Variants in LIG3 observed in about 807,000 individuals in gnomAD.
LIG3 encodes the protein DNA ligase 3, also known as ligase II, DNA, ATP-dependent.
Under a neutral mutation model 110.9 loss-of-function variants are expected in LIG3, and 58 were observed. That is an observed-to-expected ratio of 0.52 (90% confidence interval 0.42 to 0.65). The LOEUF is 0.65. LIG3 is among the 30% of genes least tolerant of loss of function. The probability of loss-of-function intolerance (pLI) is 0.00; values close to 1 mark genes in which losing one functional copy is unlikely to be tolerated. For missense variants in LIG3, 1,094 were observed against 1,273.8 expected (o/e 0.86, Z 2.15); for synonymous variants, 422 against 472.8 (o/e 0.89, Z 1.39).
intron 18 of LIG3, 31 bp from the exon 19 acceptor site, chr17:35,002,637 C>A: frequency 6.2e-7 from 1 of 1,603,370 alleles, no homozygotes; most frequent in South Asian, 1.1e-5. Context: ...AGGTGTGCAC[C>A]ACCACACCCA....
At chr17:34,996,482 C>T (rs913706270) in intron 10 of LIG3, 92 bp from the exon 11 acceptor site, 2 of 1,040,996 alleles carry the variant, frequency 1.9e-6, no homozygotes, top group African/African-American at 1.6e-5. Flanking sequence ...CATCCGGTGC[C>T]TCAGGGGGCC....
intron 3 of LIG3, among the ~76,000 whole-genome samples, chr17:34,986,614 G>A (rs923301336): frequency 1.3e-5 from 2 of 152,198 alleles, no homozygotes; most frequent in African/African-American, 2.4e-5. Context: ...GAGCCACTGC[G>A]CTCGGCCAGC....
Position 34,990,860 on chromosome 17 carries a change from G to A in LIG3, c.890-103G>A, listed in dbSNP as rs557140138. The A allele has an allele frequency of 6.0e-5, 65 of 1,085,274 alleles. 1 individual carries two copies. The South Asian group carries it at 8.5e-4, about 14-fold the overall frequency. 67.2% of individuals were successfully genotyped at this position (1,085,274 alleles called of 1,614,324 possible). On this transcript the variant is annotated intron_variant, in intron 4 of 19. Coordinates refer to ENST00000378526, the MANE Select transcript of LIG3 (RefSeq NM_013975.4). ...AATTCTCCTGCTTCGGCCTCCCAAA[G>A]TGCTGAGATTACAGGTGTGAGCCAC...
intron 2 of LIG3, among the ~76,000 whole-genome samples, chr17:34,984,040 A>G (rs1251393254): frequency 6.6e-6 from 1 of 152,362 alleles, no homozygotes; most frequent in Non-Finnish European, 1.5e-5. Context: ...TCTTCAGTGT[A>G]TATACCTTAA....
chr17:34,992,548 C>T lies in LIG3; in HGVS notation c.1311C>T (p.Ala437=), dbSNP rs1471605189. ...GGTTAGACGCCCTTGACCCCAATGC[C>T]TATGAAGCCTTCAAAGCCTCGCGCA... ...KHVLDALDPN[A]YEAFKASRNL... is the part of the protein sequence containing the mutation. The change falls in exon 8 of 20, where the codon GCC becomes GCT. Residue 437 remains alanine, a synonymous_variant. Coordinates refer to ENST00000378526, the MANE Select transcript of LIG3 (RefSeq NM_013975.4). 3.7e-6 allele frequency: 6 copies of T among 1,609,336 alleles called. No individual in the cohort carries two copies. Among genetic ancestry groups the T allele is most frequent in the East Asian group, 4.5e-5 (2 of 44,866 alleles).
In LIG3 at chr17:35,003,057, G is replaced by C. The variant is rs747961493; in HGVS notation, c.2796+268G>C. 5 of 1,613,980 alleles carry C rather than the reference G, an allele frequency of 3.1e-6. No individual in the cohort carries two copies. In the African/African-American group the frequency reaches 4.0e-5, roughly 13 times the overall value. Reference sequence around the variant, plus strand: ...CAGCAGGCAGGAGATAGAACAGCCCGGCCTAGCCAGGAGAGACTGCAGGGA... The same window carrying C: ...CAGCAGGCAGGAGATAGAACAGCCCCGCCTAGCCAGGAGAGACTGCAGGGA... On this transcript the variant is annotated intron_variant, in intron 19 of 19. Coordinates refer to ENST00000378526, the MANE Select transcript of LIG3 (RefSeq NM_013975.4).
In LIG3 at chr17:34,983,295, A is replaced by G. The variant is rs764983968; in HGVS notation, c.290A>G (p.Tyr97Cys). The G allele has an allele frequency of 6.2e-7, 1 of 1,614,254 alleles. No individual in the cohort carries two copies. Among genetic ancestry groups the G allele is most frequent in the Admixed American group, 1.7e-5 (1 of 60,030 alleles). Residue 97 changes from tyrosine (Y) to cysteine (C), a missense_variant, in exon 2 of 20, where the codon TAT becomes TGT. By Grantham distance (194) the Tyr-to-Cys change is radical. Coordinates refer to ENST00000378526, the MANE Select transcript of LIG3 (RefSeq NM_013975.4). ...GCTGAGCAACGGTTCTGTGTGGACTATGCCAAGCGTGGCACAGCTGGCTGC... is the reference window on the plus strand; with the variant it reads ...GCTGAGCAACGGTTCTGTGTGGACTGTGCCAAGCGTGGCACAGCTGGCTGC... Reference protein sequence around the residue: ...EMAEQRFCVDYAKRGTAGCKK... With the variant: ...EMAEQRFCVDCAKRGTAGCKK...
In LIG3 at chr17:34,980,666, T is replaced by C. The variant is rs2142218586; in HGVS notation, c.-5+44T>C. 21 of 1,064,044 alleles carry C rather than the reference T, an allele frequency of 2.0e-5. No homozygotes were observed. The South Asian group carries it at 3.0e-4, about 15-fold the overall frequency. 65.9% of individuals were successfully genotyped at this position (1,064,044 alleles called of 1,614,324 possible). On this transcript the variant is annotated intron_variant, in intron 1 of 19. Transcript: ENST00000378526. The stretch of plus-strand genomic sequence containing the variant: ...CGGCACGGCGCGGCGGGGCCCGGCG[T>C]GGGGAAGGCAGCGGGCCCGGGGCGA...
Position 34,999,563 on chromosome 17 carries a change from C to T in LIG3, c.2256+114C>T, listed in dbSNP as rs116087144. 1,386 of 1,374,458 alleles carry T rather than the reference C, an allele frequency of 1.0e-3. 11 individuals are homozygous for T. In the African/African-American group the frequency reaches 0.018, roughly 18 times the overall value. 85.1% of individuals were successfully genotyped at this position (1,374,458 alleles called of 1,614,324 possible). On this transcript the variant is annotated intron_variant, in intron 15 of 19. Transcript: ENST00000378526. Reference sequence around the variant, plus strand: ...GTCTCCCCAGAAAGAAGGGTTGCAGCTTGCTCAGGGGAGCAGGATTAGGCC... The same window carrying T: ...GTCTCCCCAGAAAGAAGGGTTGCAGTTTGCTCAGGGGAGCAGGATTAGGCC...
Position 34,992,575 on chromosome 17 carries a change from C to G in LIG3, c.1338C>G (p.Asn446Lys). ...NAYEAFKASR[N>K]LQDVVERVLH... ...ATGAAGCCTTCAAAGCCTCGCGCAACCTGCAGGATGTGGTGGAGCGGGTCC... is the reference window on the plus strand; with the variant it reads ...ATGAAGCCTTCAAAGCCTCGCGCAAGCTGCAGGATGTGGTGGAGCGGGTCC... The change falls in exon 8 of 20, where the codon AAC (asparagine) becomes AAG (lysine). Residue 446 changes from asparagine to lysine, a missense_variant. Transcript: ENST00000378526. 1 of 1,613,462 alleles carries G rather than the reference C, an allele frequency of 6.2e-7. No homozygotes were observed. The highest frequency in any genetic ancestry group is 2.2e-5 in the East Asian group (1 of 44,854).
intron 15 of LIG3, 92 bp from the exon 16 acceptor site, chr17:34,999,690 A>G: frequency 1.6e-6 from 2 of 1,265,486 alleles, no homozygotes; most frequent in Non-Finnish European, 2.3e-6. Flanking sequence ...TCAGCTGTTT[A>G]AGTGGCTTCT....
intron 1 of LIG3, among the ~76,000 whole-genome samples, chr17:34,982,624 G>A (rs1597787585): frequency 6.7e-6 from 1 of 149,816 alleles, no homozygotes; most frequent in South Asian, 2.1e-4. Context: ...TCCAGCCTGG[G>A]CAATTAAAGT....
At chr17:34,982,642 C>G (rs553287781) in intron 1 of LIG3, among the ~76,000 whole-genome samples, 1 of 147,924 alleles carries the variant, frequency 6.8e-6, no homozygotes, top group East Asian at 2.0e-4. Flanking sequence ...AGTGAAACTC[C>G]GCCTCAAAAA....
intron 9 of LIG3, 116 bp from the exon 10 acceptor site, chr17:34,995,947 TG>T: frequency 1.5e-6 from 2 of 1,300,954 alleles, no homozygotes; most frequent in South Asian, 1.4e-5. Flanking sequence ...GCACATTAGC[TG>T]GGCCTTCCAC....
chr17:35,007,365 A>C lies in LIG3; in HGVS notation c.*2859A>C, dbSNP rs1005084303. On this transcript the variant is annotated 3_prime_UTR_variant, in exon 20 of 20. Transcript: ENST00000378526. ...TGTATATACTATTTTGTATCCTTTC[A>C]TGTATTTCTTTCATGTATTTCAATG... The C allele has an allele frequency of 2.0e-5, 3 of 151,934 alleles. No individual in the cohort carries two copies. The highest frequency in any genetic ancestry group is 7.3e-5 in the African/African-American group (3 of 41,336). The allele number at this position is 151,934 out of a possible 1,614,324, so 9.4% of individuals were successfully genotyped here. A position where few individuals can be genotyped will look rare whatever the true frequency, so the allele number is the denominator to read the frequency against.
rs1187279957 is a variant in LIG3 at position 35,009,081 on chromosome 17, A to G, written c.*4575A>G. On this transcript the variant is annotated 3_prime_UTR_variant, in exon 20 of 20. Transcript: ENST00000378526. ...GTCAGGCTCTTTTGTCAGTCCTATC[A>G]ACCTCTAACATCCTCGCACCAGACA... 1 of 152,638 alleles carries G rather than the reference A, an allele frequency of 6.6e-6. No homozygotes were observed. Among genetic ancestry groups the G allele is most frequent in the East Asian group, 1.9e-4 (1 of 5,196 alleles). 9.5% of individuals were successfully genotyped at this position (152,638 alleles called of 1,614,324 possible).
rs2090904358 is a variant in LIG3 at position 35,007,656 on chromosome 17, C to G, written c.*3150C>G. On this transcript the variant is annotated 3_prime_UTR_variant, in exon 20 of 20. Transcript: ENST00000378526. Reference sequence around the variant, plus strand: ...GGGGCTGCATTCTCAGTAGTCTTTTCCCTGCTCCTTGGGCGCCTGGTCAGG... The same window carrying G: ...GGGGCTGCATTCTCAGTAGTCTTTTGCCTGCTCCTTGGGCGCCTGGTCAGG... 1 of 152,282 alleles carries G rather than the reference C, an allele frequency of 6.6e-6. No homozygotes were observed. The allele number at this position is 152,282 out of a possible 1,614,324, so 9.4% of individuals were successfully genotyped here. A position where few individuals can be genotyped will look rare whatever the true frequency, so the allele number is the denominator to read the frequency against.
chr17:34,999,052 T>C, intron 14 of LIG3: 2 of 518,278 alleles, frequency 3.9e-6, no homozygotes, highest in Non-Finnish European at 6.8e-6. Flanking sequence ...CTAATACTTT[T>C]AAGCAATCTA....
intron 3 of LIG3, among the ~76,000 whole-genome samples, chr17:34,987,176 CAG>C (rs1433442420): frequency 2.0e-5 from 3 of 152,160 alleles, no homozygotes; most frequent in Non-Finnish European, 4.4e-5. Context: ...ATTTCATAGA[CAG>C]GGATTCAGGA....
Sources: gnomAD v4.1 joint callset for allele counts (sites outside exome capture counted in the v4.1 genomes callset) on GRCh38, gnomAD v4.1.1 for gene constraint, MANE v1.5 for transcripts, NCBI Gene and HGNC (gene_info 2026-07-23, HGNC 2026-07-21) for gene names.